Variants in GRAMD1B observed in about 807,000 individuals in gnomAD.
GRAMD1B encodes protein Aster-B.
A neutral mutation model predicts 99.7 loss-of-function variants in GRAMD1B; 37 were observed. The observed-to-expected ratio is 0.37, with a 90% CI of 0.29 to 0.49. GRAMD1B has a LOEUF of 0.49. Ranked by LOEUF, GRAMD1B falls within the 20% of genes least tolerant of loss-of-function variation. The pLI is 0.98. For missense variants in GRAMD1B, 888 were observed against 1,009.2 expected (o/e 0.88, Z 1.63); for synonymous variants, 427 against 387.6 (o/e 1.10, Z -1.19).
chr11:123,606,402 G>A (rs1281542186), intron 10 of GRAMD1B, among the ~76,000 whole-genome samples: 3 of 152,238 alleles, frequency 2.0e-5, no homozygotes, highest in African/African-American at 7.2e-5. Context: ...GGAATGGCGA[G>A]CGTGAGAAGT....
At chr11:123,494,843 CAG>C (rs1203835774) in intron 2 of GRAMD1B, among the ~76,000 whole-genome samples, 1 of 152,124 alleles carries the variant, frequency 6.6e-6, no homozygotes, top group Non-Finnish European at 1.5e-5. Flanking sequence ...GGGCTCAAAA[CAG>C]AGAGTCCGAT....
intron 11 of GRAMD1B, among the ~76,000 whole-genome samples, chr11:123,607,326 A>G (rs1282360507): frequency 6.6e-6 from 1 of 152,232 alleles, no homozygotes; most frequent in Non-Finnish European, 1.5e-5. Flanking sequence ...GCATAGGATT[A>G]GCTTCTAGAA....
Position 123,608,738 on chromosome 11 carries a change from C to T in GRAMD1B, c.1593C>T (p.Leu531=). 25 of 1,553,982 alleles carry T rather than the reference C, an allele frequency of 1.6e-5. No homozygotes were observed. The highest frequency in any genetic ancestry group is 2.2e-5 in the Non-Finnish European group (25 of 1,148,028). ...NEVFNFSVDK[L]YDLLFTNSPF... ...TCTTCAACTTCAGCGTGGACAAGCT[C>T]TATGACCTCCTCTTCACCAACTCGC... Residue 531 remains leucine, a synonymous_variant, in exon 12 of 20, where the codon CTC becomes CTT. Coordinates refer to ENST00000635736, the MANE Select transcript of GRAMD1B (RefSeq NM_001387025.1).
In GRAMD1B at chr11:123,469,510, G is replaced by A. The variant is rs180767497; in HGVS notation, c.375-11306G>A. 2.6e-5 allele frequency among the ~76,000 whole-genome samples: 4 copies of A among 152,156 alleles called. No homozygotes were observed. The East Asian group carries it at 7.7e-4, about 29-fold the overall frequency. On this transcript the variant is annotated intron_variant, in intron 1 of 19. Transcript: ENST00000635736. Reference sequence around the variant, plus strand: ...AGGACTTGGTGTCAAACTGATGTGGGGTTGCATTTCTAGTTCATATGAATC... The same window carrying A: ...AGGACTTGGTGTCAAACTGATGTGGAGTTGCATTTCTAGTTCATATGAATC...
At chr11:123,597,874 G>A (rs1032199702) in intron 7 of GRAMD1B, 37 of 791,382 alleles carry the variant, frequency 4.7e-5, no homozygotes, top group Non-Finnish European at 7.7e-5. Flanking sequence ...GATTTGGTTG[G>A]GAGAAATAGA....
intron 17 of GRAMD1B, among the ~76,000 whole-genome samples, chr11:123,616,676 G>GTGTC (rs1954436548): frequency 6.6e-6 from 1 of 152,264 alleles, no homozygotes; most frequent in African/African-American, 2.4e-5. Flanking sequence ...AGCTTGCCCT[G>GTGTC]TGTCTGGCAG....
At chr11:123,581,024 C>T (rs1407631476) in intron 3 of GRAMD1B, among the ~76,000 whole-genome samples, 3 of 151,990 alleles carry the variant, frequency 2.0e-5, no homozygotes, top group African/African-American at 7.2e-5. Context: ...CTCCTAGTCC[C>T]TGCCCCCCTA....
intron 1 of GRAMD1B, among the ~76,000 whole-genome samples, chr11:123,385,462 T>G (rs1170896136): frequency 6.6e-6 from 1 of 152,200 alleles, no homozygotes; most frequent in Non-Finnish European, 1.5e-5. Flanking sequence ...CCTCCTCACT[T>G]CCTTCTTGAC....
At chr11:123,596,656 G>A (rs552875150) in intron 7 of GRAMD1B, among the ~76,000 whole-genome samples, 1 of 152,242 alleles carries the variant, frequency 6.6e-6, no homozygotes, top group Non-Finnish European at 1.5e-5. Context: ...AGTGGCAAGA[G>A]CCAGGAGGCT....
At chr11:123,464,744 A>AGAGAG (rs1950586234) in intron 1 of GRAMD1B, among the ~76,000 whole-genome samples, 1 of 152,238 alleles carries the variant, frequency 6.6e-6, no homozygotes, top group African/African-American at 2.4e-5. Flanking sequence ...TAATAGGAAT[A>AGAGAG]GAGAGGAGAG....
intron 2 of GRAMD1B, among the ~76,000 whole-genome samples, chr11:123,498,378 T>G (rs1288551286): frequency 6.6e-6 from 1 of 152,202 alleles, no homozygotes; most frequent in Admixed American, 6.5e-5. Flanking sequence ...CTCTCCCAAG[T>G]GTACAGATTC....
intron 1 of GRAMD1B, among the ~76,000 whole-genome samples, chr11:123,480,491 A>C (rs1382560222): frequency 2.0e-5 from 3 of 152,076 alleles, no homozygotes; most frequent in African/African-American, 7.2e-5. Context: ...AGAGAGGAAG[A>C]GGAGTGGGTA....
intron 2 of GRAMD1B, among the ~76,000 whole-genome samples, chr11:123,495,830 T>A (rs1939190946): frequency 6.6e-6 from 1 of 152,156 alleles, no homozygotes; most frequent in Non-Finnish European, 1.5e-5. Context: ...ATAAACAAAC[T>A]AACAAACAAA....
At chr11:123,507,467 G>A (rs1940550432) in intron 2 of GRAMD1B, among the ~76,000 whole-genome samples, 1 of 152,174 alleles carries the variant, frequency 6.6e-6, no homozygotes, top group Admixed American at 6.5e-5. Context: ...GTGTGGGATG[G>A]AATAGGAATG....
intron 1 of GRAMD1B, among the ~76,000 whole-genome samples, chr11:123,405,290 A>T (rs1947817287): frequency 6.6e-6 from 1 of 152,022 alleles, no homozygotes; most frequent in South Asian, 2.1e-4. Context: ...ACACCTACTT[A>T]TGTAGCTGGT....
At chr11:123,559,718 T>C (rs1441820510) in intron 2 of GRAMD1B, 1 of 983,480 alleles carries the variant, frequency 1.0e-6, no homozygotes, top group Non-Finnish European at 1.2e-6. Flanking sequence ...AGTGTTACTC[T>C]TGCTGTCTGT....
At chr11:123,443,496 CAGAA>C (rs765824631) in intron 1 of GRAMD1B, among the ~76,000 whole-genome samples, 22 of 151,900 alleles carry the variant, frequency 1.4e-4, no homozygotes, top group Non-Finnish European at 2.6e-4. Context: ...TGGTTTGGTC[CAGAA>C]AGGTTGAACA....
chr11:123,453,618 T>C (rs913268344), intron 1 of GRAMD1B, among the ~76,000 whole-genome samples: 2 of 152,048 alleles, frequency 1.3e-5, no homozygotes, highest in Admixed American at 1.3e-4. Flanking sequence ...TGCCTGGCAA[T>C]ATATAGGTAT....
intron 1 of GRAMD1B, among the ~76,000 whole-genome samples, chr11:123,452,795 C>T (rs1949946807): frequency 6.6e-6 from 1 of 152,214 alleles, no homozygotes. Context: ...GGAATTCTGG[C>T]CATGGCCTTT....
Sources: gnomAD v4.1 joint callset for allele counts (sites outside exome capture counted in the v4.1 genomes callset) on GRCh38, gnomAD v4.1.1 for gene constraint, MANE v1.5 for transcripts, NCBI Gene and HGNC (gene_info 2026-07-23, HGNC 2026-07-21) for gene names.